The following ARHGEF12 variants were observed in gnomAD, a reference collection of about 807,000 sequenced individuals.
ARHGEF12 encodes KMT2A/ARHGEF12 fusion protein.
Under a neutral mutation model 211.2 loss-of-function variants are expected in ARHGEF12, and 66 were observed. The ratio of observed to expected loss-of-function variants is 0.31; its 90% CI spans 0.26 to 0.38. ARHGEF12 has a LOEUF of 0.38. ARHGEF12 is among the 10% of genes least tolerant of loss of function. ARHGEF12 has a pLI of 1.00. For missense variants in ARHGEF12, 1,429 were observed against 1,869.5 expected, an observed-to-expected ratio of 0.76 and a Z score of 4.34; for synonymous variants, 592 against 638.4, an observed-to-expected ratio of 0.93 and a Z score of 1.09.
chr11:120,425,477 T>G (rs2135699493), intron 7 of ARHGEF12, among the ~76,000 whole-genome samples: 1 of 152,006 alleles, frequency 6.6e-6, no homozygotes, highest in Admixed American at 6.5e-5. Flanking sequence ...TGTTTTGTCT[T>G]GTTTTTTTGG....
chr11:120,478,519 A>G, intron 37 of ARHGEF12, 130 bp downstream of exon 37: 1 of 885,040 alleles, frequency 1.1e-6, no homozygotes, highest in East Asian at 2.6e-5. Context: ...AGTATTCTCT[A>G]CAGTGGCCCA....
In ARHGEF12 at chr11:120,475,521, C is replaced by T; in HGVS notation, c.3277+14C>T. 4 of 1,610,240 alleles carry T rather than the reference C, an allele frequency of 2.5e-6. No individual in the cohort carries two copies. Among genetic ancestry groups the T allele is most frequent in the Non-Finnish European group, 3.4e-6 (4 of 1,177,368 alleles). On this transcript the variant is annotated intron_variant, in intron 33 of 40. Coordinates refer to ENST00000397843, the MANE Select transcript of ARHGEF12 (RefSeq NM_015313.3). ...AAGTGGCAACAGGCAAGTATGTCCA[C>T]TGAAGGATACTAATTTCCAGATTCA...
intron 13 of ARHGEF12, 141 bp from the exon 14 acceptor site, chr11:120,441,566 A>C (rs1945868839): frequency 1.5e-5 from 9 of 608,754 alleles, no homozygotes; most frequent in Middle Eastern, 4.0e-4. Flanking sequence ...GTTGCTAATA[A>C]ATTTTAGTGA....
At chr11:120,446,017 G>A (rs1591601645) in intron 16 of ARHGEF12, among the ~76,000 whole-genome samples, 1 of 151,926 alleles carries the variant, frequency 6.6e-6, no homozygotes, top group East Asian at 1.9e-4. Flanking sequence ...GGCTAACACA[G>A]TGAAACCTTG....
At chr11:120,469,855 G>A (rs1037496235) in intron 30 of ARHGEF12, among the ~76,000 whole-genome samples, 3 of 152,190 alleles carry the variant, frequency 2.0e-5, no homozygotes, top group African/African-American at 7.2e-5. Context: ...GGGATGTTAG[G>A]TGGTGCCTAT....
At position 120,441,823 on chromosome 11, in the gene ARHGEF12, A is replaced by G. The variant is rs748593199; in HGVS notation, c.1203+6A>G. ...AATTTGACCCTGCGACTTTGGTAAT[A>G]TATTTTACAATCTAGCAGATTCAGA... On this transcript the variant is annotated splice_donor_region_variant and intron_variant, in intron 14 of 40. Transcript: ENST00000397843. The G allele has an allele frequency of 2.8e-5, 45 of 1,609,584 alleles. No homozygotes were observed. Among genetic ancestry groups the G allele is most frequent in the African/African-American group, 2.7e-4 (20 of 74,822 alleles).
intron 1 of ARHGEF12, chr11:120,366,027 G>A (rs1382768508): frequency 1.3e-5 from 2 of 152,354 alleles, no homozygotes; most frequent in Admixed American, 6.5e-5. Flanking sequence ...GAAGGCCAAG[G>A]TGGGAGAATT....
At chr11:120,444,097 C>T (rs796190014) in intron 15 of ARHGEF12, among the ~76,000 whole-genome samples, 26 of 152,268 alleles carry the variant, frequency 1.7e-4, no homozygotes, top group African/African-American at 6.0e-4. Flanking sequence ...TTGTTCACTG[C>T]TGTGTCCCTA....
intron 1 of ARHGEF12, among the ~76,000 whole-genome samples, chr11:120,379,920 T>G (rs1035903618): frequency 3.3e-5 from 5 of 152,200 alleles, no homozygotes; most frequent in African/African-American, 1.2e-4. Context: ...TGTTTAGTTT[T>G]CTTGTAATGT....
At chr11:120,374,287 G>A (rs1047674822) in intron 1 of ARHGEF12, among the ~76,000 whole-genome samples, 1 of 152,116 alleles carries the variant, frequency 6.6e-6, no homozygotes, top group African/African-American at 2.4e-5. Flanking sequence ...GAATTGCCTA[G>A]TTAGAATTTT....
Position 120,480,372 on chromosome 11 carries a change from A to T in ARHGEF12, c.4179A>T (p.Pro1393=). The part of the protein sequence containing the change: ...DAREAHSDEN[P]SEGDGAVNKE... ...GTGAAGCACATAGTGATGAGAATCC[A>T]TCAGAAGGTGATGGAGCAGTTAACA... is the stretch of plus-strand genomic sequence containing the variant. The change falls in exon 38 of 41, where the codon CCA becomes CCT. Residue 1393 remains proline (P), a synonymous_variant. Coordinates refer to ENST00000397843, the MANE Select transcript of ARHGEF12 (RefSeq NM_015313.3). 1 of 1,614,194 alleles carries T rather than the reference A, an allele frequency of 6.2e-7. No homozygotes were observed. The highest frequency in any genetic ancestry group is 1.3e-5 in the African/African-American group (1 of 75,064).
chr11:120,484,710 G>T (rs942539729), intron 40 of ARHGEF12, among the ~76,000 whole-genome samples: 6 of 152,234 alleles, frequency 3.9e-5, no homozygotes, highest in African/African-American at 1.2e-4. Flanking sequence ...GCAGTTGTCA[G>T]TTCCCATACC....
chr11:120,373,384 C>G lies in ARHGEF12; in HGVS notation c.33-32734C>G, dbSNP rs540351681. 2.0e-5 allele frequency among the ~76,000 whole-genome samples: 3 copies of G among 152,192 alleles called. No homozygotes were observed. The South Asian group carries it at 6.2e-4, about 32-fold the overall frequency. On this transcript the variant is annotated intron_variant, in intron 1 of 40. Transcript: ENST00000397843. ...TGAGTACCTATGTTCTGTGGCTATA[C>G]AACATTCTGTTCTCTACAATGTTCT...
chr11:120,362,541 C>A (rs1261673479), intron 1 of ARHGEF12, among the ~76,000 whole-genome samples: 1 of 152,030 alleles, frequency 6.6e-6, no homozygotes, highest in Non-Finnish European at 1.5e-5. Context: ...CTGATGAAAT[C>A]TGAGCACCAA....
rs1942376361 is a variant in ARHGEF12, at chr11:120,337,228, C to T, written c.-16C>T. 1 of 1,614,056 alleles carries T rather than the reference C, an allele frequency of 6.2e-7. No individual in the cohort carries two copies. The highest frequency in any genetic ancestry group is 8.5e-7 in the Non-Finnish European group (1 of 1,180,040). Reference sequence around the variant, plus strand: ...TGCAAGTTGGATAAAAGGAGGACCTCTCGCCAAGGGCCCCAATGAGTGGCA... The same window carrying T: ...TGCAAGTTGGATAAAAGGAGGACCTTTCGCCAAGGGCCCCAATGAGTGGCA... On this transcript the variant is annotated 5_prime_UTR_variant, in exon 1 of 41. Coordinates refer to ENST00000397843, the MANE Select transcript of ARHGEF12 (RefSeq NM_015313.3).
At position 120,428,156 on chromosome 11, in the gene ARHGEF12, T is replaced by C. The variant is rs761602362; in HGVS notation, c.494T>C (p.Val165Ala). 1 of 1,611,886 alleles carries C rather than the reference T, an allele frequency of 6.2e-7. No individual in the cohort carries two copies. Among genetic ancestry groups the C allele is most frequent in the East Asian group, 2.2e-5 (1 of 44,828 alleles). ...PLADSEVEPS[V>A]IGHMSPIMTS... The stretch of plus-strand genomic sequence containing the variant: ...GCCGACTCTGAAGTAGAGCCGTCAG[T>C]CATTGGACATATGTCTCCCATCATG... Residue 165 changes from valine to alanine, a missense_variant, in exon 8 of 41, where the codon GTC becomes GCC. Around this residue, in one of 7 missense-constraint regions of ARHGEF12, gnomAD observed 254 missense variants for 286.4 expected, o/e 0.89. Coordinates refer to ENST00000397843, the MANE Select transcript of ARHGEF12 (RefSeq NM_015313.3).
intron 1 of ARHGEF12, among the ~76,000 whole-genome samples, chr11:120,384,878 ATTTT>A (rs36027339): frequency 7.3e-6 from 1 of 137,678 alleles, no homozygotes; most frequent in African/African-American, 2.7e-5. Flanking sequence ...ACAAAAGGAG[ATTTT>A]TTTTTTTTTT....
chr11:120,409,235 G>A, intron 3 of ARHGEF12, 159 bp from the exon 4 acceptor site: 1 of 615,496 alleles, frequency 1.6e-6, no homozygotes, highest in African/African-American at 1.8e-5. Context: ...TACCTGTGCT[G>A]TTTGTGACTA....
rs1947041296 is a variant in ARHGEF12, at chr11:120,476,650, G to T, written c.3278-11G>T. On this transcript the variant is annotated splice_polypyrimidine_tract_variant and intron_variant, in intron 33 of 40. Coordinates refer to ENST00000397843, the MANE Select transcript of ARHGEF12 (RefSeq NM_015313.3). The stretch of plus-strand genomic sequence containing the variant: ...CATAGTATTAGAGTAATCTTGTATT[G>T]TTTTTTCCAGATAACAAAGCTTTAT... 6.2e-7 allele frequency: 1 copy of T among 1,609,044 alleles called. No homozygotes were observed.
Sources: gnomAD v4.1 joint callset for allele counts (sites outside exome capture counted in the v4.1 genomes callset) on GRCh38, gnomAD v4.1.1 for gene constraint, gnomAD v4.1.1 regional missense constraint, MANE v1.5 for transcripts, NCBI Gene and HGNC (gene_info 2026-07-23, HGNC 2026-07-21) for gene names.